IARS1: variants seen among roughly 807,000 people sequenced by gnomAD.
IARS1 encodes the protein isoleucine--tRNA ligase, cytoplasmic.
Under a neutral mutation model 168.2 loss-of-function variants are expected in IARS1, and 124 were observed. The observed-to-expected ratio is 0.74, with a 90% CI of 0.64 to 0.86. The LOEUF is 0.86. Among genes scored for constraint, IARS1 ranks in the 40% least tolerant of loss-of-function variants. IARS1 has a pLI of 0.00. For synonymous variants in IARS1, 532 were observed against 529.4 expected, an observed-to-expected ratio of 1.00 and a Z score of -0.07; for missense variants, 1,452 against 1,515.8, an observed-to-expected ratio of 0.96 and a Z score of 0.70.
At position 92,260,169 on chromosome 9, in the gene IARS1, T is replaced by A. The variant is rs767326075; in HGVS notation, c.1853A>T (p.Tyr618Phe). The change falls in exon 18 of 34, where the codon TAT (tyrosine) becomes TTT (phenylalanine). Residue 618 changes from tyrosine (Y) to phenylalanine (F), a missense_variant. Physicochemically the swap from Tyr to Phe is conservative, Grantham distance 22 (BLOSUM62 3). Coordinates refer to ENST00000443024, the MANE Select transcript of IARS1 (RefSeq NM_002161.6). ...YPDPVSIIQKYGADALRLYLI... is the reference protein window; with the variant it reads ...YPDPVSIIQKFGADALRLYLI... ...TTTGTACCTGAGGGCATCAGCACCA[T>A]ACTTCTGGATGATGGAAACTGGATC... 33 of 1,613,766 alleles carry A rather than the reference T, an allele frequency of 2.0e-5. No individual in the cohort carries two copies. Among genetic ancestry groups the A allele is most frequent in the Non-Finnish European group, 2.8e-5 (33 of 1,179,728 alleles).
At chr9:92,211,460 C>T (rs188764577) in intron 33 of IARS1, among the ~76,000 whole-genome samples, 57 of 152,312 alleles carry the variant, frequency 3.7e-4, no homozygotes, top group Non-Finnish European at 6.0e-4. Flanking sequence ...TAGCAGGTTA[C>T]TGAACCTGAG....
At chr9:92,239,724 C>A (rs1021566436) in intron 30 of IARS1, among the ~76,000 whole-genome samples, 7 of 152,126 alleles carry the variant, frequency 4.6e-5, no homozygotes, top group Non-Finnish European at 7.4e-5. Flanking sequence ...CTGCCCCCCA[C>A]TAGGATGAAA....
intron 30 of IARS1, among the ~76,000 whole-genome samples, chr9:92,236,539 GT>G (rs1166037428): frequency 2.6e-5 from 4 of 152,134 alleles, no homozygotes. Context: ...AGTAGTTTGT[GT>G]TTTTTAGAAA....
chr9:92,220,838 G>A (rs534717485), intron 33 of IARS1, among the ~76,000 whole-genome samples: 142 of 151,766 alleles, frequency 9.4e-4, no homozygotes, highest in African/African-American at 2.9e-3. Flanking sequence ...ATGGTGGCGC[G>A]TGCCTGTAGT....
Position 92,271,580 on chromosome 9 carries a change from C to G in IARS1, c.1066G>C (p.Gly356Arg). 3 of 1,614,114 alleles carry G rather than the reference C, an allele frequency of 1.9e-6. No homozygotes were observed. Among genetic ancestry groups the G allele is most frequent in the Non-Finnish European group, 2.5e-6 (3 of 1,179,978 alleles). ...TCTGTCACCTCCGTTGTGAAGCAGC[C>G]TGAAGCATCCACAGGGCAAACAGGG... The part of the protein sequence containing the change: ...SLPVCPVDAS[G>R]CFTTEVTDFA... Residue 356 changes from glycine to arginine, a missense_variant, in exon 11 of 34, where the codon GGC (glycine) becomes CGC (arginine). Transcript: ENST00000443024.
chr9:92,280,579 T>C (rs1050261471), intron 7 of IARS1, among the ~76,000 whole-genome samples, 167 bp downstream of exon 7: 1 of 152,236 alleles, frequency 6.6e-6, no homozygotes, highest in Admixed American at 6.5e-5. Context: ...TTTTGTTAGT[T>C]TTCAATTAGA....
At chr9:92,239,540 TTGG>T (rs879763148) in intron 30 of IARS1, among the ~76,000 whole-genome samples, 4,645 of 152,294 alleles carry the variant, frequency 0.031, 108 homozygotes, top group South Asian at 0.079. Flanking sequence ...TTTATCCTGT[TTGG>T]GTTTCACGCA....
chr9:92,252,796 A>AAAAAAAAAC (rs1830202182), intron 21 of IARS1, among the ~76,000 whole-genome samples: 2 of 145,720 alleles, frequency 1.4e-5, no homozygotes, highest in African/African-American at 5.0e-5. Flanking sequence ...AAAAAAAAAA[A>AAAAAAAAAC]AGACATGACT....
At chr9:92,253,141 T>C (rs1830251564) in intron 21 of IARS1, among the ~76,000 whole-genome samples, 1 of 152,200 alleles carries the variant, frequency 6.6e-6, no homozygotes, top group Non-Finnish European at 1.5e-5. Flanking sequence ...ATGTACATAA[T>C]TGTGTTGTGA....
intron 31 of IARS1, among the ~76,000 whole-genome samples, chr9:92,228,765 G>A (rs1826155029): frequency 6.6e-6 from 1 of 152,162 alleles, no homozygotes; most frequent in Non-Finnish European, 1.5e-5. Flanking sequence ...AAGTCCACCA[G>A]CTAGCTAACA....
intron 26 of IARS1, 73 bp from the exon 27 acceptor site, chr9:92,245,144 C>A: frequency 8.7e-7 from 1 of 1,149,478 alleles, no homozygotes; most frequent in Non-Finnish European, 1.3e-6. Flanking sequence ...GTGTATTATG[C>A]CCCTTCTTGA....
chr9:92,219,230 C>A (rs970484668), intron 33 of IARS1, among the ~76,000 whole-genome samples: 2 of 152,148 alleles, frequency 1.3e-5, no homozygotes, highest in African/African-American at 4.8e-5. Context: ...ATGTAGAAAG[C>A]TGAAACTGGA....
At chr9:92,224,003 G>C (rs1475545925) in intron 31 of IARS1, among the ~76,000 whole-genome samples, 1 of 152,204 alleles carries the variant, frequency 6.6e-6, no homozygotes, top group Non-Finnish European at 1.5e-5. Context: ...GGCCCACAGG[G>C]CAGCCTCCAA....
At chr9:92,245,333 G>A (rs1829029090) in intron 26 of IARS1, among the ~76,000 whole-genome samples, 1 of 152,142 alleles carries the variant, frequency 6.6e-6, no homozygotes, top group South Asian at 2.1e-4. Context: ...CCAAAGACAT[G>A]ACAAAGCTAA....
chr9:92,267,768 A>G (rs1832486909), intron 14 of IARS1, among the ~76,000 whole-genome samples: 1 of 152,128 alleles, frequency 6.6e-6, no homozygotes, highest in Non-Finnish European at 1.5e-5. Context: ...TTAGAAGTTA[A>G]AGGTCTGTAA....
intron 16 of IARS1, among the ~76,000 whole-genome samples, chr9:92,264,284 G>A (rs578077074): frequency 2.3e-4 from 34 of 148,374 alleles, no homozygotes; most frequent in Non-Finnish European, 3.7e-4. Context: ...GCAGTGAGCC[G>A]AGATCACACC....
chr9:92,223,045 T>C (rs1473582402), intron 32 of IARS1, among the ~76,000 whole-genome samples: 1 of 151,940 alleles, frequency 6.6e-6, no homozygotes, highest in Admixed American at 6.6e-5. Context: ...GGTATAGAAG[T>C]TTTCAGAACA....
chr9:92,293,134 G>A (rs999402387), intron 1 of IARS1, among the ~76,000 whole-genome samples: 2 of 152,216 alleles, frequency 1.3e-5, no homozygotes, highest in South Asian at 2.1e-4. Flanking sequence ...CGTCTCAAAC[G>A]TTTCCTCAAT....
At chr9:92,272,864 C>CAAAAAAAAAAAAAAAAAAAA (rs869076663) in intron 10 of IARS1, among the ~76,000 whole-genome samples, 1 of 57,036 alleles carries the variant, frequency 1.8e-5, no homozygotes, top group Non-Finnish European at 3.2e-5. Context: ...CAAAACAAAA[C>CAAAAAAAAAAAAAAAAAAAA]AAAAAAAAAA....
Sources: allele counts gnomAD v4.1 joint callset (sites outside exome capture counted in the v4.1 genomes callset), GRCh38; gene constraint gnomAD v4.1.1; transcripts MANE v1.5; gene names NCBI Gene and HGNC (gene_info 2026-07-23, HGNC 2026-07-21).